BCLAF3: variants seen among roughly 807,000 people sequenced by gnomAD.
BCLAF3 encodes the protein transient octamer binding factor 1.
BCLAF3 carries 24 observed loss-of-function variants against 51.2 expected under a neutral mutation model. The ratio of observed to expected loss-of-function variants is 0.47; its 90% CI spans 0.34 to 0.66. The LOEUF (loss-of-function observed/expected upper bound fraction) is 0.66. BCLAF3 is among the 30% of genes least tolerant of loss of function. The pLI, the probability that BCLAF3 is intolerant of heterozygous loss-of-function variation, is 0.01. For synonymous variants in BCLAF3, 152 were observed against 176.6 expected (o/e 0.86, Z 1.10); for missense variants, 465 against 525.1 (o/e 0.89, Z 1.12).
intron 5 of BCLAF3, 131 bp from the exon 6 acceptor site, chrX:19,954,023 A>C: frequency 9.5e-7 from 1 of 1,047,460 alleles, no homozygotes; most frequent in Non-Finnish European, 1.2e-6. Context: ...TGTGGGACCC[A>C]AACTTATTTC....
At position 19,917,314 on chromosome X, in the gene BCLAF3, T is replaced by G; in HGVS notation, c.2127A>C (p.Thr709=). ...RKKKEYTDVA[T]GI ...TTTGTACGATTTCAGATTAGATTCC[T>G]GTGGCAACATCTGTATATTCCTATT... is the stretch of plus-strand genomic sequence containing the variant. Residue 709 remains threonine (T), a synonymous_variant, in exon 12 of 12, where the codon ACA becomes ACC. Coordinates refer to ENST00000379682, the MANE Select transcript of BCLAF3 (RefSeq NM_001367774.2). The G allele has an allele frequency of 8.3e-7, 1 of 1,201,856 alleles. No individual in the cohort carries two copies. Among genetic ancestry groups the G allele is most frequent in the Non-Finnish European group, 1.1e-6 (1 of 887,717 alleles).
intron 4 of BCLAF3, 32 bp from the exon 5 acceptor site, chrX:19,955,598 T>G (rs1008516125): frequency 1.8e-6 from 2 of 1,098,073 alleles, no homozygotes; most frequent in Non-Finnish European, 2.4e-6. Flanking sequence ...TAACTAAATT[T>G]GAAACTATTT....
At position 19,936,039 on chromosome X, in the gene BCLAF3, A is replaced by G. The variant is rs185504781; in HGVS notation, c.1861-141T>C. ...AGCAGGGAGCTTAGCTGTAGAGCAC[A>G]TACACATCTCCTCCTTGACCCATGC... On this transcript the variant is annotated intron_variant, in intron 9 of 11. Coordinates refer to ENST00000379682, the MANE Select transcript of BCLAF3 (RefSeq NM_001367774.2). 1.0e-4 allele frequency: 50 copies of G among 476,562 alleles called. No homozygotes were observed. In the African/African-American group the frequency reaches 1.1e-3, roughly 10 times the overall value. 39.3% of individuals were successfully genotyped at this position (476,562 alleles called of 1,213,427 possible).
intron 11 of BCLAF3, among the ~76,000 whole-genome samples, chrX:19,922,800 T>C (rs1189966353): frequency 1.8e-5 from 2 of 110,125 alleles, no homozygotes; most frequent in Non-Finnish European, 3.8e-5. Flanking sequence ...CTTGGGAGGC[T>C]GAAGCAGGAG....
intron 2 of BCLAF3, among the ~76,000 whole-genome samples, chrX:19,969,519 T>G (rs1283892055): frequency 3.6e-5 from 4 of 112,385 alleles, no homozygotes; most frequent in Non-Finnish European, 7.5e-5. Flanking sequence ...ATCTCTTCTT[T>G]GAAGACTTTC....
At chrX:19,921,830 C>T (rs893942555) in intron 11 of BCLAF3, among the ~76,000 whole-genome samples, 7 of 105,902 alleles carry the variant, frequency 6.6e-5, no homozygotes, top group Non-Finnish European at 1.4e-4. Context: ...TGGTGAAATC[C>T]CACCTCTACT....
intron 1 of BCLAF3, among the ~76,000 whole-genome samples, chrX:19,980,774 C>A (rs1370075485): frequency 9.1e-6 from 1 of 109,582 alleles, no homozygotes. Flanking sequence ...CCCATCTCTA[C>A]TAAAAATACA....
At position 19,914,908 on chromosome X, in the gene BCLAF3, C is replaced by G. The variant is rs1164699737; in HGVS notation, c.*2397G>C. The G allele has an allele frequency of 9.0e-6, 1 of 111,349 alleles. No homozygotes were observed. Among genetic ancestry groups the G allele is most frequent in the Non-Finnish European group, 1.9e-5 (1 of 53,065 alleles). The allele number at this position is 111,349 out of a possible 1,213,427, so 9.2% of individuals were successfully genotyped here. The stretch of plus-strand genomic sequence containing the variant: ...CAGAAATGTCAACTTTCCTCTCAAC[C>G]TTTTGTATATATGTCCACTAAAGTA... On this transcript the variant is annotated 3_prime_UTR_variant, in exon 12 of 12. Coordinates refer to ENST00000379682, the MANE Select transcript of BCLAF3 (RefSeq NM_001367774.2).
chrX:19,971,918 A>T, intron 1 of BCLAF3, among the ~76,000 whole-genome samples: 1 of 112,409 alleles, frequency 8.9e-6, no homozygotes, highest in Non-Finnish European at 1.9e-5. Flanking sequence ...TACAATTATT[A>T]TGTAGACATC....
intron 3 of BCLAF3, 69 bp downstream of exon 3, chrX:19,966,011 C>T: frequency 1.0e-6 from 1 of 1,003,765 alleles, no homozygotes; most frequent in South Asian, 2.5e-5. Context: ...TATCTTCAAC[C>T]ATAAAGTAAA....
intron 11 of BCLAF3, among the ~76,000 whole-genome samples, chrX:19,921,278 C>T (rs1228489848): frequency 1.8e-5 from 2 of 111,276 alleles, no homozygotes; most frequent in Non-Finnish European, 1.9e-5. Flanking sequence ...ATGAAACAAG[C>T]GAGAAGACTC....
At chrX:19,973,848 A>AT (rs1272066572) in intron 1 of BCLAF3, among the ~76,000 whole-genome samples, 1 of 112,594 alleles carries the variant, frequency 8.9e-6, no homozygotes, top group Admixed American at 9.4e-5. Flanking sequence ...GTTCAACTTA[A>AT]TTAGCAATTG....
intron 4 of BCLAF3, among the ~76,000 whole-genome samples, chrX:19,956,603 T>G (rs2071674074): frequency 9.0e-6 from 1 of 111,181 alleles, no homozygotes; most frequent in Non-Finnish European, 1.9e-5. Flanking sequence ...ATGAAAAAAT[T>G]TTCTCATTAT....
chrX:19,945,219 A>C (rs1036292536), intron 8 of BCLAF3, among the ~76,000 whole-genome samples: 5 of 109,179 alleles, frequency 4.6e-5, no homozygotes, highest in African/African-American at 1.4e-4. Context: ...TTTGGTTTGA[A>C]TGTCCTCCCG....
chrX:19,924,141 G>A (rs2070282176), intron 11 of BCLAF3, among the ~76,000 whole-genome samples: 1 of 111,358 alleles, frequency 9.0e-6, no homozygotes, highest in Non-Finnish European at 1.9e-5. Flanking sequence ...GGTGCTTTTA[G>A]GACATCCATG....
In BCLAF3 at chrX:19,966,553, G is replaced by A. The variant is rs1430942100; in HGVS notation, c.138C>T (p.Pro46=). The A allele has an allele frequency of 8.3e-6, 10 of 1,210,903 alleles. No homozygotes were observed. The highest frequency in any genetic ancestry group is 8.9e-6 in the Non-Finnish European group (8 of 895,108). Residue 46 remains proline (P), a synonymous_variant, in exon 3 of 12, where the codon CCC becomes CCT. Transcript: ENST00000379682. ...TCTCACTGTCCATTCTCCACGCGAC[G>A]GGTCTTTTTGGATCCTTCCTATATT... ...GCEYRKDPKR[P]VAWRMDSEKH...
At chrX:19,977,233 G>A (rs193221608) in intron 1 of BCLAF3, among the ~76,000 whole-genome samples, 36 of 111,839 alleles carry the variant, frequency 3.2e-4, no homozygotes, top group African/African-American at 1.0e-3. Flanking sequence ...CACATCTCAC[G>A]TTAAATCAAA....
In BCLAF3 at chrX:19,946,873, A is replaced by G. The variant is rs1370477787; in HGVS notation, c.1745+3880T>C. 4.4e-5 allele frequency among the ~76,000 whole-genome samples: 5 copies of G among 112,373 alleles called. 1 individual carries two copies. Among genetic ancestry groups the G allele is most frequent in the East Asian group, 5.5e-4 (2 of 3,606 alleles). On this transcript the variant is annotated intron_variant, in intron 8 of 11. Transcript: ENST00000379682. The stretch of plus-strand genomic sequence containing the variant: ...AACCCAGCTACATTTTTTAAAAGTC[A>G]TAAGTGTACTCCATGATCACCCTAA...
intron 11 of BCLAF3, among the ~76,000 whole-genome samples, chrX:19,921,493 C>A (rs958489459): frequency 4.5e-5 from 5 of 112,013 alleles, no homozygotes; most frequent in Non-Finnish European, 3.8e-5. Flanking sequence ...CACTTGATGT[C>A]AGGAGTTCAA....
Sources: gnomAD v4.1 joint callset for allele counts (sites outside exome capture counted in the v4.1 genomes callset) on GRCh38, gnomAD v4.1.1 for gene constraint, MANE v1.5 for transcripts, NCBI Gene and HGNC (gene_info 2026-07-23, HGNC 2026-07-21) for gene names.